CNTN5: variants seen among roughly 807,000 people sequenced by gnomAD.
CNTN5 encodes contactin-5.
CNTN5 carries 77 observed loss-of-function variants against 129.1 expected under a neutral mutation model. The ratio of observed to expected loss-of-function variants is 0.60; its 90% CI spans 0.50 to 0.72. The LOEUF is 0.72. Among genes scored for constraint, CNTN5 ranks in the 30% least tolerant of loss-of-function variants. CNTN5 has a pLI of 0.00. For synonymous variants in CNTN5, 509 were observed against 465.6 expected (o/e 1.09, Z -1.20); for missense variants, 1,478 against 1,328.8 (o/e 1.11, Z -1.75).
chr11:99,337,254 G>A (rs546762439), intron 2 of CNTN5, among the ~76,000 whole-genome samples: 8 of 152,088 alleles, frequency 5.3e-5, no homozygotes, highest in African/African-American at 1.7e-4. Context: ...AGACCAGCTC[G>A]GTCGGGGAGA....
At chr11:100,068,231 CTAAAA>C (rs1288647223) in intron 10 of CNTN5, among the ~76,000 whole-genome samples, 3 of 152,066 alleles carry the variant, frequency 2.0e-5, no homozygotes, top group Admixed American at 6.6e-5. Context: ...TTCTAACCAA[CTAAAA>C]TATTAAATAA....
chr11:100,110,121 A>T (rs1243586382), intron 13 of CNTN5, among the ~76,000 whole-genome samples: 2 of 150,576 alleles, frequency 1.3e-5, no homozygotes, highest in Non-Finnish European at 3.0e-5. Context: ...CAGTGGGTGG[A>T]GGTTGCAGTG....
In CNTN5 at chr11:100,271,132, T is replaced by A. The variant is rs201580433; in HGVS notation, c.2205T>A (p.Ala735=). The A allele has an allele frequency of 8.1e-6, 13 of 1,612,870 alleles. No individual in the cohort carries two copies. The African/African-American group carries it at 1.6e-4, about 20-fold the overall frequency. The change falls in exon 18 of 25, where the codon GCT becomes GCA. Residue 735 remains alanine, a synonymous_variant. Transcript: ENST00000524871. ...CAGGGGACATGGAGTCAGCCATGGC[T>A]GTGGACCTAAATCCCTGGGTGGAAT... ...IITGDMESAM[A]VDLNPWVEYE...
chr11:99,555,002 A>C (rs1239709171), intron 2 of CNTN5, among the ~76,000 whole-genome samples: 1 of 152,042 alleles, frequency 6.6e-6, no homozygotes, highest in Admixed American at 6.6e-5. Flanking sequence ...TTTCTTCTCC[A>C]TTAATGATCC....
At chr11:99,651,352 A>G (rs948369719) in intron 3 of CNTN5, among the ~76,000 whole-genome samples, 7 of 151,898 alleles carry the variant, frequency 4.6e-5, no homozygotes, top group Admixed American at 4.6e-4. Flanking sequence ...ATATAAGCAG[A>G]TGAGAAAAGG....
At chr11:99,826,895 AG>A (rs756711843) in intron 4 of CNTN5, among the ~76,000 whole-genome samples, 17 of 152,146 alleles carry the variant, frequency 1.1e-4, no homozygotes, top group Admixed American at 2.0e-4. Flanking sequence ...GAAGGAAGTA[AG>A]GGGGGGATCA....
rs749743628 is a variant in CNTN5, at chr11:100,193,628, G to A, written c.1849G>A (p.Glu617Lys). 21 of 1,611,668 alleles carry A rather than the reference G, an allele frequency of 1.3e-5. No homozygotes were observed. In the Admixed American group the frequency reaches 1.5e-4, roughly 12 times the overall value. ...TCTGAAAGGACAGCCTATTGATTTC[G>A]AGGAAGAGGGTGGACATTTTGAAAG... ...WTLKGQPIDFEEEGGHFESIR... is the reference protein window; with the variant it reads ...WTLKGQPIDFKEEGGHFESIR... Residue 617 changes from glutamate (E) to lysine (K), a missense_variant, in exon 15 of 25, where the codon GAG becomes AAG. Coordinates refer to ENST00000524871, the MANE Select transcript of CNTN5 (RefSeq NM_014361.4).
intron 6 of CNTN5, among the ~76,000 whole-genome samples, chr11:99,869,477 CTG>C (rs1948444979): frequency 6.6e-6 from 1 of 152,128 alleles, no homozygotes; most frequent in African/African-American, 2.4e-5. Context: ...TAATTTTAAA[CTG>C]AGATTACTTA....
intron 2 of CNTN5, among the ~76,000 whole-genome samples, chr11:99,431,115 A>G (rs539671657): frequency 6.6e-6 from 1 of 151,734 alleles, no homozygotes; most frequent in East Asian, 1.9e-4. Flanking sequence ...AGTCAGGTAG[A>G]GTTGGTCAAA....
intron 2 of CNTN5, among the ~76,000 whole-genome samples, chr11:99,546,904 G>T (rs1368743781): frequency 1.3e-5 from 2 of 151,924 alleles, no homozygotes; most frequent in African/African-American, 4.8e-5. Context: ...GACAAAGCTA[G>T]ATATTTTGAA....
intron 23 of CNTN5, among the ~76,000 whole-genome samples, chr11:100,342,220 C>A (rs1434831343): frequency 1.3e-5 from 2 of 150,504 alleles, no homozygotes; most frequent in East Asian, 2.0e-4. Context: ...TGAATTTGAT[C>A]TTTTGCAGGG....
chr11:99,191,753 T>A (rs1858654885), intron 1 of CNTN5, among the ~76,000 whole-genome samples: 1 of 151,622 alleles, frequency 6.6e-6, no homozygotes. Flanking sequence ...AATTTAAAAA[T>A]ATCCTGAGAC....
At position 100,340,500 on chromosome 11, in the gene CNTN5, C is replaced by T. The variant is rs1298118783; in HGVS notation, c.2768C>T (p.Ala923Val). ...AAAGACATGGAACAGGAAGATACAG[C>T]AGAAACAGTCAAAACTAGAGGGAAT... is the stretch of plus-strand genomic sequence containing the variant. The part of the protein sequence containing the change: ...YWKDMEQEDT[A>V]ETVKTRGNES... The change falls in exon 22 of 25, where the codon GCA becomes GTA. Residue 923 changes from alanine to valine, a missense_variant. Transcript: ENST00000524871. The T allele has an allele frequency of 1.9e-6, 3 of 1,612,232 alleles. No individual in the cohort carries two copies. Among genetic ancestry groups the T allele is most frequent in the Non-Finnish European group, 1.7e-6 (2 of 1,178,978 alleles).
chr11:99,730,595 C>T (rs1253355173), intron 3 of CNTN5, among the ~76,000 whole-genome samples: 2 of 152,082 alleles, frequency 1.3e-5, no homozygotes, highest in Non-Finnish European at 2.9e-5. Context: ...AATGTTACTT[C>T]TTTTGAATTG....
intron 9 of CNTN5, among the ~76,000 whole-genome samples, chr11:100,004,145 T>C (rs894772626): frequency 2.6e-5 from 4 of 152,184 alleles, no homozygotes; most frequent in African/African-American, 9.7e-5. Context: ...CACATGGTGC[T>C]CTTGTGGGCC....
At chr11:99,613,359 G>C (rs1282330297) in intron 3 of CNTN5, among the ~76,000 whole-genome samples, 1 of 152,142 alleles carries the variant, frequency 6.6e-6, no homozygotes, top group East Asian at 1.9e-4. Flanking sequence ...GTCTTGGGGA[G>C]AAGGGTCCTT....
chr11:99,043,486 C>T (rs1864088924), intron 1 of CNTN5, among the ~76,000 whole-genome samples: 1 of 152,066 alleles, frequency 6.6e-6, no homozygotes, highest in African/African-American at 2.4e-5. Flanking sequence ...GTGGGATATA[C>T]TTAACCGAAT....
intron 16 of CNTN5, among the ~76,000 whole-genome samples, chr11:100,242,757 G>T (rs1023842523): frequency 1.3e-5 from 2 of 152,040 alleles, no homozygotes; most frequent in Non-Finnish European, 2.9e-5. Flanking sequence ...ATGAGATTTG[G>T]GTGAGGACAC....
At chr11:99,770,815 T>C (rs1317783153) in intron 3 of CNTN5, among the ~76,000 whole-genome samples, 1 of 152,136 alleles carries the variant, frequency 6.6e-6, no homozygotes, top group African/African-American at 2.4e-5. Flanking sequence ...ATCATAAAAT[T>C]TGTATGGAAA....
Sources: gnomAD v4.1 joint callset for allele counts (sites outside exome capture counted in the v4.1 genomes callset) on GRCh38, gnomAD v4.1.1 for gene constraint, MANE v1.5 for transcripts, NCBI Gene and HGNC (gene_info 2026-07-23, HGNC 2026-07-21) for gene names.